The following RP1 variants were observed in gnomAD, a reference collection of about 807,000 sequenced individuals.
RP1 encodes oxygen-regulated protein 1.
RP1 carries 16 observed loss-of-function variants against 14.8 expected under a neutral mutation model. That is an observed-to-expected ratio of 1.08 (90% CI 0.73 to 1.65). RP1 has a LOEUF of 1.65. Among genes scored for constraint, RP1 ranks in the 40% most tolerant of loss-of-function variants. RP1 has a pLI of 0.00. For synonymous variants in RP1, 876 were observed against 883.6 expected (o/e 0.99, Z 0.15); for missense variants, 2,631 against 2,535.0 (o/e 1.04, Z -0.81).
intron 1 of RP1, among the ~76,000 whole-genome samples, chr8:54,586,801 G>A (rs1199585848): frequency 5.9e-5 from 9 of 152,344 alleles, no homozygotes; most frequent in African/African-American, 1.9e-4. Flanking sequence ...AGCCAGGTGC[G>A]GGATATAATC....
intron 24 of RP1, among the ~76,000 whole-genome samples, chr8:54,833,760 G>A (rs1174039980): frequency 6.6e-6 from 1 of 151,792 alleles, no homozygotes; most frequent in Non-Finnish European, 1.5e-5. Context: ...AACTGTTATT[G>A]TTAAATTAAA....
intron 3 of RP1, among the ~76,000 whole-genome samples, chr8:54,636,048 C>A (rs1379935365): frequency 6.6e-6 from 1 of 152,202 alleles, no homozygotes; most frequent in Non-Finnish European, 1.5e-5. Flanking sequence ...CACCCCTAAC[C>A]TTTCTGGGAA....
At position 54,625,365 on chromosome 8, in the gene RP1, A is replaced by C. The variant is rs749544156; in HGVS notation, c.1483A>C (p.Lys495Gln). The C allele has an allele frequency of 6.2e-7, 1 of 1,614,020 alleles. No homozygotes were observed. Among genetic ancestry groups the C allele is most frequent in the Admixed American group, 1.7e-5 (1 of 60,008 alleles). Reference protein sequence around the residue: ...YSEERESGENKSEYHMFTHSC... With the variant: ...YSEERESGENQSEYHMFTHSC... ...TGAAGAAAGGGAAAGTGGGGAAAAC[A>C]AGTCTGAGTATCACATGTTTACACA... The change falls in exon 4 of 4, where the codon AAG becomes CAG. Residue 495 changes from lysine (K) to glutamine (Q), a missense_variant. By Grantham distance (53) the Lys-to-Gln change is moderately conservative (BLOSUM62 1). Transcript: ENST00000220676.
At chr8:54,777,514 G>A (rs921002964) in intron 23 of RP1, among the ~76,000 whole-genome samples, 1 of 152,164 alleles carries the variant, frequency 6.6e-6, no homozygotes, top group South Asian at 2.1e-4. Context: ...AAGCATAACT[G>A]TTTCTAATTC....
At chr8:54,604,335 T>C (rs1174893964) in intron 1 of RP1, among the ~76,000 whole-genome samples, 1 of 152,184 alleles carries the variant, frequency 6.6e-6, no homozygotes, top group African/African-American at 2.4e-5. Flanking sequence ...TATGCTGGAT[T>C]ACGTTTATTG....
At chr8:54,732,332 G>A (rs1161943567) in intron 17 of RP1, among the ~76,000 whole-genome samples, 2 of 151,968 alleles carry the variant, frequency 1.3e-5, no homozygotes, top group African/African-American at 4.8e-5. Context: ...TTTTTTATTT[G>A]TTTGTTTGTT....
At chr8:54,782,258 C>G (rs1810207416) in intron 23 of RP1, among the ~76,000 whole-genome samples, 2 of 152,106 alleles carry the variant, frequency 1.3e-5, no homozygotes, top group African/African-American at 4.8e-5. Context: ...TTCTGCTGCC[C>G]CTTTGGCTTT....
At chr8:54,752,423 G>A (rs1008731668) in intron 19 of RP1, among the ~76,000 whole-genome samples, 2 of 152,196 alleles carry the variant, frequency 1.3e-5, no homozygotes. Context: ...CCACCATGCA[G>A]TTCGAAAACC....
intron 24 of RP1, among the ~76,000 whole-genome samples, chr8:54,808,441 T>C (rs1043041417): frequency 6.6e-6 from 1 of 152,206 alleles, no homozygotes; most frequent in Non-Finnish European, 1.5e-5. Flanking sequence ...AGATTTGCCA[T>C]CAGCCTGAGC....
chr8:54,646,761 T>G (rs913040500), intron 3 of RP1, among the ~76,000 whole-genome samples: 2 of 152,208 alleles, frequency 1.3e-5, no homozygotes, highest in African/African-American at 4.8e-5. Context: ...ATCCTAGTTG[T>G]TGGAAAATGC....
intron 1 of RP1, among the ~76,000 whole-genome samples, chr8:54,580,824 G>T (rs1364651143): frequency 6.6e-6 from 1 of 151,578 alleles, no homozygotes; most frequent in Admixed American, 6.6e-5. Context: ...TCTCCATATT[G>T]GCCAGGCTGG....
intron 24 of RP1, among the ~76,000 whole-genome samples, chr8:54,786,647 G>C (rs1810326303): frequency 6.6e-6 from 1 of 152,122 alleles, no homozygotes; most frequent in South Asian, 2.1e-4. Context: ...CAGAGTTCTA[G>C]ATAATTCCAT....
intron 1 of RP1, among the ~76,000 whole-genome samples, chr8:54,587,244 G>A (rs1441468980): frequency 6.6e-6 from 1 of 152,128 alleles, no homozygotes; most frequent in Non-Finnish European, 1.5e-5. Flanking sequence ...TGGCCAACAT[G>A]GCGAAACCCT....
intron 1 of RP1, among the ~76,000 whole-genome samples, chr8:54,604,860 T>TA (rs1805388761): frequency 6.6e-6 from 1 of 152,238 alleles, no homozygotes; most frequent in Non-Finnish European, 1.5e-5. Context: ...TGGTAGTTTG[T>TA]ATTTCTGTGG....
intron 19 of RP1, among the ~76,000 whole-genome samples, chr8:54,744,666 C>T (rs972779389): frequency 1.3e-5 from 2 of 152,150 alleles, no homozygotes; most frequent in East Asian, 3.8e-4. Context: ...CATCTTCTGT[C>T]TGATAATTAA....
At chr8:54,572,081 A>G (rs935213500) in intron 1 of RP1, among the ~76,000 whole-genome samples, 2 of 152,254 alleles carry the variant, frequency 1.3e-5, no homozygotes, top group African/African-American at 4.8e-5. Context: ...CTGCTGAAAG[A>G]TGATCCTACT....
chr8:54,789,588 A>G (rs1273128151), intron 24 of RP1, among the ~76,000 whole-genome samples: 1 of 152,172 alleles, frequency 6.6e-6, no homozygotes, highest in Non-Finnish European at 1.5e-5. Context: ...AGCCCAGTCT[A>G]TGGCCCCTTT....
intron 1 of RP1, among the ~76,000 whole-genome samples, chr8:54,604,068 C>A (rs1460245809): frequency 2.6e-5 from 4 of 152,172 alleles, no homozygotes; most frequent in Non-Finnish European, 5.9e-5. Context: ...GAACTTCCAA[C>A]ACTATGTTGA....
intron 24 of RP1, among the ~76,000 whole-genome samples, chr8:54,798,354 C>T (rs1345683309): frequency 1.3e-5 from 2 of 152,046 alleles, no homozygotes; most frequent in East Asian, 3.9e-4. Flanking sequence ...AGCAATATTT[C>T]TATGAGTGGA....
Sources: allele counts gnomAD v4.1 joint callset (sites outside exome capture counted in the v4.1 genomes callset), GRCh38; gene constraint gnomAD v4.1.1; transcripts MANE v1.5; gene names NCBI Gene and HGNC (gene_info 2026-07-23, HGNC 2026-07-21).